Variants in MAP2K4 observed in about 807,000 individuals in gnomAD.
MAP2K4 encodes mitogen-activated protein kinase kinase 4, also known as dual specificity mitogen-activated protein kinase kinase 4.
A neutral mutation model predicts 48.5 loss-of-function variants in MAP2K4; 4 were observed. That is an observed-to-expected ratio of 0.08 (90% CI 0.04 to 0.19). The LOEUF (loss-of-function observed/expected upper bound fraction) is 0.19, where lower values mean the gene tolerates loss of function less well. Among genes scored for constraint, MAP2K4 ranks in the 10% least tolerant of loss-of-function variants. The probability of loss-of-function intolerance (pLI) is 1.00; values close to 1 mark genes in which losing one functional copy is unlikely to be tolerated. For missense variants in MAP2K4, 258 were observed against 493.3 expected (o/e 0.52, Z 4.52); for synonymous variants, 166 against 173.1 (o/e 0.96, Z 0.32).
At chr17:12,139,342 A>G (rs1354723658) in intron 9 of MAP2K4, among the ~76,000 whole-genome samples, 1 of 152,204 alleles carries the variant, frequency 6.6e-6, no homozygotes, top group African/African-American at 2.4e-5. Flanking sequence ...GGACCAAAGA[A>G]CATATTGAGA....
intron 3 of MAP2K4, among the ~76,000 whole-genome samples, chr17:12,093,045 A>G (rs181273197): frequency 2.5e-4 from 38 of 152,266 alleles, no homozygotes; most frequent in Admixed American, 2.4e-3. Context: ...AGTTAGCTGT[A>G]TTTGTTCAAT....
chr17:12,025,448 C>T (rs975263485), intron 1 of MAP2K4, among the ~76,000 whole-genome samples: 1 of 152,102 alleles, frequency 6.6e-6, no homozygotes, highest in Non-Finnish European at 1.5e-5. Flanking sequence ...TTTCAAAGAT[C>T]GCTTAGCTGA....
At chr17:12,075,459 CTG>C (rs1970972164) in intron 2 of MAP2K4, among the ~76,000 whole-genome samples, 1 of 152,086 alleles carries the variant, frequency 6.6e-6, no homozygotes, top group Non-Finnish European at 1.5e-5. Context: ...AAACAACAAA[CTG>C]GGAAAATATT....
intron 1 of MAP2K4, among the ~76,000 whole-genome samples, chr17:12,038,402 C>G (rs1053034312): frequency 6.6e-6 from 1 of 152,028 alleles, no homozygotes; most frequent in African/African-American, 2.4e-5. Context: ...GAACGTTAAT[C>G]AGAAAGGAAA....
intron 2 of MAP2K4, among the ~76,000 whole-genome samples, chr17:12,069,484 A>T (rs1247885990): frequency 6.6e-6 from 1 of 152,122 alleles, no homozygotes; most frequent in Non-Finnish European, 1.5e-5. Flanking sequence ...GTGATAAAAC[A>T]TTTCTTTGTA....
intron 1 of MAP2K4, among the ~76,000 whole-genome samples, chr17:12,046,403 A>G (rs1409507465): frequency 6.6e-6 from 1 of 152,218 alleles, no homozygotes; most frequent in African/African-American, 2.4e-5. Context: ...GCAACATTTT[A>G]AACTACAGTA....
intron 1 of MAP2K4, among the ~76,000 whole-genome samples, chr17:12,026,384 A>C (rs963461327): frequency 1.3e-5 from 2 of 152,198 alleles, no homozygotes; most frequent in Non-Finnish European, 2.9e-5. Flanking sequence ...AATCGAGGTC[A>C]GTCTCCTTTG....
At chr17:12,076,954 G>A (rs575215719) in intron 2 of MAP2K4, among the ~76,000 whole-genome samples, 10 of 152,220 alleles carry the variant, frequency 6.6e-5, no homozygotes, top group African/African-American at 2.4e-4. Flanking sequence ...ATGGACTAGA[G>A]AACTTGGAAT....
At chr17:12,027,067 A>G (rs546511518) in intron 1 of MAP2K4, 43 of 152,348 alleles carry the variant, frequency 2.8e-4, no homozygotes, top group African/African-American at 9.6e-4. Flanking sequence ...ATCTGGGCAA[A>G]TTACTATTTT....
Position 12,129,207 on chromosome 17 carries a change from C to T in MAP2K4, c.960C>T (p.Val320=), listed in dbSNP as rs368291515. The change falls in exon 9 of 11, where the codon GTC becomes GTT. Residue 320 remains valine (V), a synonymous_variant. Coordinates refer to ENST00000353533, the MANE Select transcript of MAP2K4 (RefSeq NM_003010.4). The part of the protein sequence containing the change: ...WNSVFDQLTQ[V]VKGDPPQLSN... ...GTGTATTTGATCAACTAACACAAGT[C>T]GTGAAAGGAGATCCTCCGCAGCTGA... The T allele has an allele frequency of 1.9e-5, 30 of 1,614,048 alleles. No individual in the cohort carries two copies. The highest frequency in any genetic ancestry group is 3.3e-5 in the South Asian group (3 of 91,084).
intron 1 of MAP2K4, among the ~76,000 whole-genome samples, chr17:12,036,941 C>G (rs997435317): frequency 6.6e-6 from 1 of 151,948 alleles, no homozygotes; most frequent in African/African-American, 2.4e-5. Flanking sequence ...AGTTCATGGC[C>G]GAAGAGTTCT....
chr17:12,126,930 C>A (rs1972873133), intron 8 of MAP2K4, among the ~76,000 whole-genome samples: 2 of 152,152 alleles, frequency 1.3e-5, no homozygotes, highest in Admixed American at 1.3e-4. Flanking sequence ...CCTCTTCTTT[C>A]ATTTTCTCCC....
At chr17:12,082,743 T>C (rs1971233311) in intron 3 of MAP2K4, among the ~76,000 whole-genome samples, 1 of 152,210 alleles carries the variant, frequency 6.6e-6, no homozygotes. Context: ...TTTGGCTGTA[T>C]TTTTAAAATG....
intron 4 of MAP2K4, among the ~76,000 whole-genome samples, chr17:12,101,604 A>T (rs1468697435): frequency 3.3e-5 from 5 of 152,096 alleles, no homozygotes; most frequent in Non-Finnish European, 7.4e-5. Context: ...TCTAATTTGT[A>T]GGTCTACTGG....
intron 3 of MAP2K4, chr17:12,095,360 T>C: frequency 1.7e-6 from 1 of 572,576 alleles, no homozygotes; most frequent in Non-Finnish European, 3.1e-6. Flanking sequence ...CCCTGTCTCC[T>C]TTAAAGGATT....
chr17:12,111,199 G>T (rs1268383256), intron 6 of MAP2K4, among the ~76,000 whole-genome samples: 1 of 152,138 alleles, frequency 6.6e-6, no homozygotes, highest in Non-Finnish European at 1.5e-5. Context: ...AAAGTAAAGG[G>T]TCAAAATGAA....
At chr17:12,122,826 T>C (rs1477640101) in intron 7 of MAP2K4, among the ~76,000 whole-genome samples, 13 of 152,226 alleles carry the variant, frequency 8.5e-5, no homozygotes, top group Admixed American at 8.5e-4. Context: ...TAGTGTGTTG[T>C]TATTTCTGTT....
intron 2 of MAP2K4, chr17:12,069,817 G>A (rs1205243262): frequency 6.4e-6 from 4 of 624,404 alleles, no homozygotes; most frequent in East Asian, 1.6e-4. Flanking sequence ...GTAACAGTAC[G>A]GACACAGAAG....
At chr17:12,103,852 GTTAA>G (rs1256425547) in intron 4 of MAP2K4, among the ~76,000 whole-genome samples, 2 of 151,902 alleles carry the variant, frequency 1.3e-5, no homozygotes, top group Non-Finnish European at 2.9e-5. Context: ...TACAGATTTA[GTTAA>G]TTTATTTTAA....
Sources: gnomAD v4.1 joint callset for allele counts (sites outside exome capture counted in the v4.1 genomes callset) on GRCh38, gnomAD v4.1.1 for gene constraint, MANE v1.5 for transcripts, NCBI Gene and HGNC (gene_info 2026-07-23, HGNC 2026-07-21) for gene names.